HOMER1: variants seen among roughly 807,000 people sequenced by gnomAD.
HOMER1 encodes homer protein homolog 1.
HOMER1 carries 3 observed loss-of-function variants against 48.9 expected under a neutral mutation model. The observed-to-expected ratio is 0.06, with a 90% CI of 0.03 to 0.16. The LOEUF is 0.16. Ranked by LOEUF, HOMER1 falls within the 10% of genes least tolerant of loss-of-function variation. The pLI, the probability that HOMER1 is intolerant of heterozygous loss-of-function variation, is 1.00. For missense variants in HOMER1, 247 were observed against 411.4 expected (o/e 0.60, Z 3.46); for synonymous variants, 134 against 146.4 (o/e 0.92, Z 0.61).
intron 5 of HOMER1, among the ~76,000 whole-genome samples, chr5:79,419,281 A>C (rs995385848): frequency 2.0e-5 from 3 of 152,206 alleles, no homozygotes; most frequent in Non-Finnish European, 4.4e-5. Context: ...TTCAGGCCTT[A>C]CTATTAACAT....
chr5:79,408,608 C>T (rs758780355), intron 5 of HOMER1, among the ~76,000 whole-genome samples: 9 of 152,022 alleles, frequency 5.9e-5, no homozygotes, highest in Admixed American at 3.3e-4. Flanking sequence ...ATAGTCTATA[C>T]GCAAATTAAA....
intron 4 of HOMER1, among the ~76,000 whole-genome samples, chr5:79,439,553 G>T (rs1226817879): frequency 6.6e-6 from 1 of 152,104 alleles, no homozygotes; most frequent in Admixed American, 6.5e-5. Flanking sequence ...GGTGAAAGAA[G>T]TAGATAATGG....
At chr5:79,380,549 C>G (rs971459252) in intron 8 of HOMER1, among the ~76,000 whole-genome samples, 1 of 152,212 alleles carries the variant, frequency 6.6e-6, no homozygotes, top group African/African-American at 2.4e-5. Flanking sequence ...AGGCTGCCAC[C>G]AGTGAAGGTG....
At position 79,385,874 on chromosome 5, in the gene HOMER1, A is replaced by G. The variant is rs577304706; in HGVS notation, c.877-9677T>C. Among the ~76,000 whole-genome samples, 348 of 148,244 alleles carry G rather than the reference A, an allele frequency of 2.3e-3. 3 individuals carry two copies. Among genetic ancestry groups the G allele is most frequent in the African/African-American group, 8.2e-3 (329 of 40,318 alleles). Reference sequence around the variant, plus strand: ...AAAAAAAAAAAAAAAAAAAGCTATCATCTTACTGCAATTACAATGGCTATT... The same window carrying G: ...AAAAAAAAAAAAAAAAAAAGCTATCGTCTTACTGCAATTACAATGGCTATT... On this transcript the variant is annotated intron_variant, in intron 8 of 8. Transcript: ENST00000334082.
At chr5:79,404,940 C>T (rs1749626531) in intron 5 of HOMER1, among the ~76,000 whole-genome samples, 1 of 151,706 alleles carries the variant, frequency 6.6e-6, no homozygotes, top group African/African-American at 2.4e-5. Flanking sequence ...AACTCCTGAC[C>T]TCAGGTGATC....
At chr5:79,489,902 A>G (rs1752221531) in intron 1 of HOMER1, among the ~76,000 whole-genome samples, 1 of 152,204 alleles carries the variant, frequency 6.6e-6, no homozygotes, top group South Asian at 2.1e-4. Context: ...CCCAAGATCT[A>G]TAAAGACTGA....
At chr5:79,389,879 G>A (rs575289581) in intron 8 of HOMER1, among the ~76,000 whole-genome samples, 31 of 152,110 alleles carry the variant, frequency 2.0e-4, no homozygotes, top group African/African-American at 6.8e-4. Context: ...GTATTCTGAC[G>A]AGGTAGAAAT....
intron 2 of HOMER1, among the ~76,000 whole-genome samples, chr5:79,451,774 T>C (rs962564184): frequency 1.3e-5 from 2 of 151,930 alleles, no homozygotes; most frequent in African/African-American, 4.8e-5. Flanking sequence ...TTTCACCATG[T>C]TAGCCAGGAT....
chr5:79,373,143 C>T lies in HOMER1; in HGVS notation c.*2866G>A, dbSNP rs1453879748. 2 of 152,094 alleles carry T rather than the reference C, an allele frequency of 1.3e-5. No individual in the cohort carries two copies. Among genetic ancestry groups the T allele is most frequent in the Non-Finnish European group, 1.5e-5 (1 of 67,958 alleles). 9.4% of individuals were successfully genotyped at this position (152,094 alleles called of 1,614,324 possible). The stretch of plus-strand genomic sequence containing the variant: ...TCAAAGTTAGGATTTCACAACATAA[C>T]ACACTAATGCAAAATCCAGTAGCAC... On this transcript the variant is annotated 3_prime_UTR_variant, in exon 9 of 9. Transcript: ENST00000334082.
At chr5:79,422,115 TACTC>T (rs924399140) in intron 5 of HOMER1, among the ~76,000 whole-genome samples, 1 of 151,866 alleles carries the variant, frequency 6.6e-6, no homozygotes, top group Non-Finnish European at 1.5e-5. Context: ...TAATCCCAGT[TACTC>T]AGGAGGCTGA....
At chr5:79,424,126 G>C (rs1249455209) in intron 5 of HOMER1, among the ~76,000 whole-genome samples, 2 of 151,952 alleles carry the variant, frequency 1.3e-5, no homozygotes, top group Admixed American at 6.6e-5. Flanking sequence ...GACTAATTCT[G>C]TTATATTTCT....
intron 2 of HOMER1, among the ~76,000 whole-genome samples, chr5:79,454,830 T>C (rs1240638636): frequency 6.6e-6 from 1 of 152,202 alleles, no homozygotes. Context: ...TTAACAACAA[T>C]AGCAGTGAGT....
At chr5:79,502,668 C>T (rs181099978) in intron 1 of HOMER1, among the ~76,000 whole-genome samples, 6 of 152,154 alleles carry the variant, frequency 3.9e-5, no homozygotes, top group African/African-American at 1.4e-4. Context: ...ATAGCTTCTA[C>T]CACATGAATA....
intron 5 of HOMER1, among the ~76,000 whole-genome samples, chr5:79,426,414 T>C (rs1375600141): frequency 6.6e-6 from 1 of 152,088 alleles, no homozygotes; most frequent in Non-Finnish European, 1.5e-5. Context: ...CCACACTGTG[T>C]ATATGTGGTA....
At chr5:79,384,886 G>GA (rs1291531804) in intron 8 of HOMER1, among the ~76,000 whole-genome samples, 2 of 151,694 alleles carry the variant, frequency 1.3e-5, no homozygotes, top group Non-Finnish European at 2.9e-5. Flanking sequence ...CAGAATGAAG[G>GA]AAAAAAATAT....
chr5:79,431,721 C>T (rs897506146), intron 5 of HOMER1, among the ~76,000 whole-genome samples: 2 of 152,136 alleles, frequency 1.3e-5, no homozygotes, highest in African/African-American at 4.8e-5. Context: ...AAGCTAAACT[C>T]TAAATGGAAA....
chr5:79,396,162 C>T (rs1228791659), intron 8 of HOMER1, among the ~76,000 whole-genome samples: 1 of 151,956 alleles, frequency 6.6e-6, no homozygotes, highest in Non-Finnish European at 1.5e-5. Context: ...GTTTTTTGTA[C>T]ACTGGAATCA....
chr5:79,476,880 A>AT (rs2112334691), intron 1 of HOMER1, among the ~76,000 whole-genome samples: 1 of 152,300 alleles, frequency 6.6e-6, no homozygotes, highest in South Asian at 2.1e-4. Context: ...TAATAAACTG[A>AT]TTGAAAAAAC....
intron 8 of HOMER1, among the ~76,000 whole-genome samples, chr5:79,376,989 A>G (rs1748788196): frequency 6.6e-6 from 1 of 152,174 alleles, no homozygotes; most frequent in Admixed American, 6.5e-5. Flanking sequence ...TCTTTGAGAC[A>G]CAGTCTCACT....
Sources: allele counts gnomAD v4.1 joint callset (sites outside exome capture counted in the v4.1 genomes callset), GRCh38; gene constraint gnomAD v4.1.1; transcripts MANE v1.5; gene names NCBI Gene and HGNC (gene_info 2026-07-23, HGNC 2026-07-21).